POLR1G: variants seen among roughly 807,000 people sequenced by gnomAD.
POLR1G encodes DNA-directed RNA polymerase I subunit RPA34.
A neutral mutation model predicts 6.3 loss-of-function variants in POLR1G; 9 were observed. The observed-to-expected ratio is 1.44, with a 90% confidence interval of 0.87 to 2.51. The LOEUF (loss-of-function observed/expected upper bound fraction) is 2.51, where lower values mean the gene tolerates loss of function less well. Among genes scored for constraint, POLR1G ranks in the 30% most tolerant of loss-of-function variants. The pLI, the probability that POLR1G is intolerant of heterozygous loss-of-function variation, is 0.00. For missense variants in POLR1G, 617 were observed against 632.5 expected (o/e 0.98, Z 0.26); for synonymous variants, 248 against 256.5 (o/e 0.97, Z 0.32).
rs1314657893 is a variant in POLR1G at position 45,406,661 on chromosome 19, C to T, written c.-36C>T. ...TGGTCTGCAACCTGGTGCGAGCAGCCCGGGCTACAGGGTTGCCTGAGGTGT... is the reference window on the plus strand; with the variant it reads ...TGGTCTGCAACCTGGTGCGAGCAGCTCGGGCTACAGGGTTGCCTGAGGTGT... On this transcript the variant is annotated 5_prime_UTR_variant, in exon 1 of 3. Coordinates refer to ENST00000309424, the MANE Select transcript of POLR1G (RefSeq NM_012099.3). This position sits in a 1 kb window ranked among gnomAD's most constrained non-coding sequence, Gnocchi z 4.2. 3 of 1,546,540 alleles carry T rather than the reference C, an allele frequency of 1.9e-6. No individual in the cohort carries two copies. The highest frequency in any genetic ancestry group is 2.6e-6 in the Non-Finnish European group (3 of 1,145,408).
chr19:45,409,132 G>T lies in POLR1G; in HGVS notation c.1164G>T (p.Lys388Asn). 6.2e-7 allele frequency: 1 copy of T among 1,613,102 alleles called. No homozygotes were observed. The highest frequency in any genetic ancestry group is 8.5e-7 in the Non-Finnish European group (1 of 1,179,364). Residue 388 changes from lysine (K) to asparagine (N), a missense_variant, in exon 3 of 3, where the codon AAG (lysine) becomes AAT (asparagine). Transcript: ENST00000309424. ...AALAAPKKKT[K>N]KEKQQDATVE... is the part of the protein sequence containing the mutation. The stretch of plus-strand genomic sequence containing the variant: ...TGGCAGCTCCCAAAAAGAAGACGAA[G>T]AAAGAAAAACAGCAAGATGCCACAG...
rs2123437388 is a variant in POLR1G, at chr19:45,409,549, C to G, written c.*48C>G. On this transcript the variant is annotated 3_prime_UTR_variant, in exon 3 of 3. Transcript: ENST00000309424. Reference sequence around the variant, plus strand: ...ACTAAAGAAAGCTGAAGGTGCCCACCTGGGCCACCAGAAGGTGACACCCCC... The same window carrying G: ...ACTAAAGAAAGCTGAAGGTGCCCACGTGGGCCACCAGAAGGTGACACCCCC... The G allele has an allele frequency of 6.4e-7, 1 of 1,574,680 alleles. No homozygotes were observed. The highest frequency in any genetic ancestry group is 8.6e-7 in the Non-Finnish European group (1 of 1,160,564).
In POLR1G at chr19:45,409,740, G is replaced by A. The variant is rs1260687490; in HGVS notation, c.*239G>A. On this transcript the variant is annotated 3_prime_UTR_variant, in exon 3 of 3. Coordinates refer to ENST00000309424, the MANE Select transcript of POLR1G (RefSeq NM_012099.3). ...AGCCTCCGGGCCTGGATGGGAGGGA[G>A]AAAAAAATGAGGAACCAGTCATTAA... 2.5e-6 allele frequency: 2 copies of A among 794,096 alleles called. No individual in the cohort carries two copies. The highest frequency in any genetic ancestry group is 1.4e-5 in the South Asian group (1 of 73,512). The allele number at this position is 794,096 out of a possible 1,614,324, so 49.2% of individuals were successfully genotyped here.
In POLR1G at chr19:45,406,845, T is replaced by G. The variant is rs533675163; in HGVS notation, c.22+127T>G. The G allele has an allele frequency of 2.2e-5, 23 of 1,050,414 alleles. No homozygotes were observed. The African/African-American group carries it at 3.5e-4, about 16-fold the overall frequency. 65.1% of individuals were successfully genotyped at this position (1,050,414 alleles called of 1,614,324 possible). A position where few individuals can be genotyped will look rare whatever the true frequency, so the allele number is the denominator to read the frequency against. On this transcript the variant is annotated intron_variant, in intron 1 of 2. Transcript: ENST00000309424. The surrounding 1 kb of genome is among the most constrained non-coding windows in gnomAD (Gnocchi z 4.2). ...ACTTGCGAAGAGCGTGCATTCCCAG[T>G]GGGCGAACGGGAATTCGAACGGAGA...
chr19:45,406,969 AG>A lies in POLR1G; in HGVS notation c.23-123del, dbSNP rs754839413. ...GCCCCTGGGGAACAGGTGGGCAGAA[AG>A]GAGAAACCAGGTTGAGGGGACTGGA... On this transcript the variant is annotated intron_variant, in intron 1 of 2. Coordinates refer to ENST00000309424, the MANE Select transcript of POLR1G (RefSeq NM_012099.3). This position sits in a 1 kb window ranked among gnomAD's most constrained non-coding sequence, Gnocchi z 4.2. 405 of 1,326,636 alleles carry A rather than the reference AG, an allele frequency of 3.1e-4. No homozygotes were observed. The highest frequency in any genetic ancestry group is 4.0e-4 in the Non-Finnish European group (385 of 974,342). The allele number at this position is 1,326,636 out of a possible 1,614,324, so 82.2% of individuals were successfully genotyped here.
chr19:45,406,836 C>T lies in POLR1G; in HGVS notation c.22+118C>T, dbSNP rs1973380080. On this transcript the variant is annotated intron_variant, in intron 1 of 2. Coordinates refer to ENST00000309424, the MANE Select transcript of POLR1G (RefSeq NM_012099.3). This position sits in a 1 kb window ranked among gnomAD's most constrained non-coding sequence, Gnocchi z 4.2. The stretch of plus-strand genomic sequence containing the variant: ...GCAAGCAGGACTTGCGAAGAGCGTG[C>T]ATTCCCAGTGGGCGAACGGGAATTC... The T allele has an allele frequency of 1.8e-6, 2 of 1,093,766 alleles. No individual in the cohort carries two copies. The highest frequency in any genetic ancestry group is 1.7e-5 in the African/African-American group (1 of 60,502). The allele number at this position is 1,093,766 out of a possible 1,614,324, so 67.8% of individuals were successfully genotyped here.
Position 45,406,689 on chromosome 19 carries a change from G to A in POLR1G, c.-8G>A. ...GGCTACAGGGTTGCCTGAGGTGTGG[G>A]TCCCAGGATGGAGGAGCCCCAGGCC... On this transcript the variant is annotated 5_prime_UTR_variant, in exon 1 of 3. Transcript: ENST00000309424. The surrounding 1 kb of genome is among the most constrained non-coding windows in gnomAD (Gnocchi z 4.2). The A allele has an allele frequency of 6.5e-7, 1 of 1,542,728 alleles. No individual in the cohort carries two copies. Among genetic ancestry groups the A allele is most frequent in the Non-Finnish European group, 8.7e-7 (1 of 1,144,422 alleles).
intron 2 of POLR1G, chr19:45,407,579 G>C (rs1973421682): frequency 9.9e-6 from 3 of 303,008 alleles, no homozygotes; most frequent in Non-Finnish European, 1.8e-5. Flanking sequence ...AATGGGGGCT[G>C]CATTCTTAGG....
rs1973467194 is a variant in POLR1G, at chr19:45,408,226, T to C, written c.258T>C (p.Cys86=). 1 of 1,613,908 alleles carries C rather than the reference T, an allele frequency of 6.2e-7. No individual in the cohort carries two copies. Among genetic ancestry groups the C allele is most frequent in the Non-Finnish European group, 8.5e-7 (1 of 1,179,966 alleles). The part of the protein sequence containing the change: ...KRHRYRVLSS[C]PQAGEATLLA... The stretch of plus-strand genomic sequence containing the variant: ...ACCGCTATCGAGTCCTCAGCAGCTG[T>C]CCCCAAGCTGGAGAAGCGACCCTGC... Residue 86 remains cysteine, a synonymous_variant, in exon 3 of 3, where the codon TGT becomes TGC. Transcript: ENST00000309424.
At position 45,406,654 on chromosome 19, in the gene POLR1G, G is replaced by T. The variant is rs376019190; in HGVS notation, c.-43G>T. 286 of 1,545,994 alleles carry T rather than the reference G, an allele frequency of 1.8e-4. No individual in the cohort carries two copies. Among genetic ancestry groups the T allele is most frequent in the Non-Finnish European group, 2.4e-4 (272 of 1,144,940 alleles). On this transcript the variant is annotated 5_prime_UTR_variant, in exon 1 of 3. Coordinates refer to ENST00000309424, the MANE Select transcript of POLR1G (RefSeq NM_012099.3). This position sits in a 1 kb window ranked among gnomAD's most constrained non-coding sequence, Gnocchi z 4.2. Reference sequence around the variant, plus strand: ...ATCCACGTGGTCTGCAACCTGGTGCGAGCAGCCCGGGCTACAGGGTTGCCT... The same window carrying T: ...ATCCACGTGGTCTGCAACCTGGTGCTAGCAGCCCGGGCTACAGGGTTGCCT...
rs1404969416 is a variant in POLR1G at position 45,408,273 on chromosome 19, G to A, written c.305G>A (p.Gly102Glu). 1.9e-6 allele frequency: 3 copies of A among 1,614,002 alleles called. No homozygotes were observed. The African/African-American group carries it at 4.0e-5, about 22-fold the overall frequency. Reference sequence around the variant, plus strand: ...CTGCTGGCCCCCTCAACGGAGGCAGGAGGTGGACTCACCTGTGCCTCAGCC... The same window carrying A: ...CTGCTGGCCCCCTCAACGGAGGCAGAAGGTGGACTCACCTGTGCCTCAGCC... ...ATLLAPSTEAGGGLTCASAPQ... is the reference protein window; with the variant it reads ...ATLLAPSTEAEGGLTCASAPQ... The change falls in exon 3 of 3, where the codon GGA becomes GAA. Residue 102 changes from glycine to glutamate, a missense_variant. Gly to Glu is a moderately conservative substitution (Grantham distance 98). Coordinates refer to ENST00000309424, the MANE Select transcript of POLR1G (RefSeq NM_012099.3).
intron 2 of POLR1G, 137 bp downstream of exon 2, chr19:45,407,372 TAC>T: frequency 1.3e-6 from 1 of 766,606 alleles, no homozygotes; most frequent in Non-Finnish European, 2.1e-6. Flanking sequence ...ACTACTCCTT[TAC>T]AGAGTAGAGT....
At position 45,409,898 on chromosome 19, in the gene POLR1G, T is replaced by A. The variant is rs7507745; in HGVS notation, c.*397T>A. On this transcript the variant is annotated 3_prime_UTR_variant, in exon 3 of 3. Transcript: ENST00000309424. ...TTAAGTTATTATTATTATTATTATTTTTTTTTTTTTTGAGATGGAGTCTCG... is the reference window on the plus strand; with the variant it reads ...TTAAGTTATTATTATTATTATTATTATTTTTTTTTTTGAGATGGAGTCTCG... 4,819 of 188,840 alleles carry A rather than the reference T, an allele frequency of 0.026. 201 individuals carry two copies. Among genetic ancestry groups the A allele is most frequent in the African/African-American group, 0.18 (3,897 of 22,258 alleles). The allele number at this position is 188,840 out of a possible 1,614,324, so 11.7% of individuals were successfully genotyped here. A position where few individuals can be genotyped will look rare whatever the true frequency, so the allele number is the denominator to read the frequency against.
rs775107965 is a variant in POLR1G at position 45,409,403 on chromosome 19, G to C, written c.1435G>C (p.Glu479Gln). The C allele has an allele frequency of 1.9e-6, 3 of 1,613,990 alleles. No homozygotes were observed. The highest frequency in any genetic ancestry group is 2.5e-6 in the Non-Finnish European group (3 of 1,180,026). Residue 479 changes from glutamate (E) to glutamine (Q), a missense_variant, in exon 3 of 3, where the codon GAG becomes CAG. Transcript: ENST00000309424. ...ESRMPETVPQ[E>Q]EMPGPPLNSE... ...CCGGATGCCAGAGACAGTGCCCCAA[G>C]AGGAGATGCCAGGGCCGCCACTGAA... is the stretch of plus-strand genomic sequence containing the variant.
intron 2 of POLR1G, 124 bp from the exon 3 acceptor site, chr19:45,408,009 A>G (rs545753812): frequency 0.026 from 32,685 of 1,270,670 alleles, 494 homozygotes; most frequent in Non-Finnish European, 0.031. Flanking sequence ...AGCCGAGATC[A>G]TGCCACTGCA....
In POLR1G at chr19:45,406,747, G is replaced by C; in HGVS notation, c.22+29G>C. ...AGGGTGCGGGTTGACGGGGTGCGGAGGGTGCGTTGGTGGAAGGAGAAAGGG... is the reference window on the plus strand; with the variant it reads ...AGGGTGCGGGTTGACGGGGTGCGGACGGTGCGTTGGTGGAAGGAGAAAGGG... On this transcript the variant is annotated intron_variant, in intron 1 of 2. Transcript: ENST00000309424. This position sits in a 1 kb window ranked among gnomAD's most constrained non-coding sequence, Gnocchi z 4.2. 6.6e-7 allele frequency: 1 copy of C among 1,514,960 alleles called. No homozygotes were observed. 93.8% of individuals were successfully genotyped at this position (1,514,960 alleles called of 1,614,324 possible).
At position 45,408,127 on chromosome 19, in the gene POLR1G, C is replaced by T; in HGVS notation, c.165-6C>T. 6.3e-7 allele frequency: 1 copy of T among 1,591,658 alleles called. No individual in the cohort carries two copies. Among genetic ancestry groups the T allele is most frequent in the Non-Finnish European group, 8.6e-7 (1 of 1,164,936 alleles). ...AAGCCTCTGCCCTCCCTGTTTCTCT[C>T]TGTAGCTTCAATGGGCGGCATGTGC... On this transcript the variant is annotated splice_polypyrimidine_tract_variant and splice_region_variant and intron_variant, in intron 2 of 2. Coordinates refer to ENST00000309424, the MANE Select transcript of POLR1G (RefSeq NM_012099.3).
In POLR1G at chr19:45,409,180, G is replaced by A; in HGVS notation, c.1212G>A (p.Val404=). The change falls in exon 3 of 3, where the codon GTG becomes GTA. Residue 404 remains valine, a synonymous_variant. Coordinates refer to ENST00000309424, the MANE Select transcript of POLR1G (RefSeq NM_012099.3). ...CAGTGGAGCCAGAGACAGAGGTGGT[G>A]GGGCCTGAGCTGCCGGATGACCTTG... ...DATVEPETEV[V]GPELPDDLEP... The A allele has an allele frequency of 6.2e-7, 1 of 1,613,510 alleles. No homozygotes were observed. Among genetic ancestry groups the A allele is most frequent in the Non-Finnish European group, 8.5e-7 (1 of 1,179,690 alleles).
At chr19:45,407,037 T>C (rs1973391802) in intron 1 of POLR1G, 57 bp from the exon 2 acceptor site, 13 of 1,551,344 alleles carry the variant, frequency 8.4e-6, no homozygotes, top group South Asian at 1.2e-5. Flanking sequence ...AGGCGCGCCC[T>C]GCAAGATTGG....
Sources: gnomAD v4.1 joint callset for allele counts on GRCh38, gnomAD v4.1.1 for gene constraint, Gnocchi (gnomAD v3.1) non-coding constraint, MANE v1.5 for transcripts, NCBI Gene and HGNC (gene_info 2026-07-23, HGNC 2026-07-21) for gene names.